The following ERO1B variants were observed in gnomAD, a reference collection of about 807,000 sequenced individuals.
The protein encoded by ERO1B is endoplasmic reticulum oxidoreductase 1 beta.
A neutral mutation model predicts 75.3 loss-of-function variants in ERO1B; 49 were observed. The ratio of observed to expected loss-of-function variants is 0.65; its 90% CI spans 0.52 to 0.83. The LOEUF is 0.83. Ranked by LOEUF, ERO1B falls within the 40% of genes least tolerant of loss-of-function variation. The pLI, the probability that ERO1B is intolerant of heterozygous loss-of-function variation, is 0.00. For synonymous variants in ERO1B, 191 were observed against 192.9 expected (o/e 0.99, Z 0.08); for missense variants, 512 against 560.1 (o/e 0.91, Z 0.87).
intron 12 of ERO1B, among the ~76,000 whole-genome samples, chr1:236,225,792 G>A (rs1229963101): frequency 6.6e-6 from 1 of 152,148 alleles, no homozygotes; most frequent in Non-Finnish European, 1.5e-5. Context: ...AAAATTAGCT[G>A]GGTGTGATGG....
chr1:236,216,798 T>C lies in ERO1B; in HGVS notation c.*1718A>G, dbSNP rs780623233. ...CTGAGTGAATACTAAGAATAATTCT[T>C]ACTAATTTACTAGTTAAATTAATTG... On this transcript the variant is annotated 3_prime_UTR_variant, in exon 16 of 16. Coordinates refer to ENST00000354619, the MANE Select transcript of ERO1B (RefSeq NM_019891.4). The C allele has an allele frequency of 6.6e-6, 1 of 152,086 alleles. No homozygotes were observed. The highest frequency in any genetic ancestry group is 1.5e-5 in the Non-Finnish European group (1 of 67,976). The allele number at this position is 152,086 out of a possible 1,614,324, so 9.4% of individuals were successfully genotyped here.
intron 5 of ERO1B, among the ~76,000 whole-genome samples, chr1:236,246,476 C>T (rs1664890476): frequency 6.6e-6 from 1 of 152,174 alleles, no homozygotes; most frequent in South Asian, 2.1e-4. Flanking sequence ...CCAACTGTAT[C>T]CACCAAAATA....
intron 10 of ERO1B, among the ~76,000 whole-genome samples, chr1:236,227,097 T>G (rs1356874856): frequency 6.6e-6 from 1 of 152,328 alleles, no homozygotes; most frequent in African/African-American, 2.4e-5. Flanking sequence ...AATTATAAAG[T>G]CACTGCTGGA....
chr1:236,246,345 T>TA (rs200804914), intron 5 of ERO1B, among the ~76,000 whole-genome samples: 1 of 151,832 alleles, frequency 6.6e-6, no homozygotes, highest in Non-Finnish European at 1.5e-5. Flanking sequence ...TTTTTTTTTT[T>TA]AATTTTTTGT....
At position 236,233,532 on chromosome 1, in the gene ERO1B, A is replaced by T. The variant is rs370846556; in HGVS notation, c.674-693T>A. On this transcript the variant is annotated intron_variant, in intron 8 of 15. Transcript: ENST00000354619. ...AGAACTGCTTGAACCCAGGAGGCGG[A>T]GGTTGCAGTGAGCCGAGATCACACC... Among the ~76,000 whole-genome samples, 20 of 151,222 alleles carry T rather than the reference A, an allele frequency of 1.3e-4. No individual in the cohort carries two copies. In the East Asian group the frequency reaches 2.2e-3, roughly 16 times the overall value.
intron 2 of ERO1B, among the ~76,000 whole-genome samples, chr1:236,262,427 G>C (rs1665313441): frequency 6.6e-6 from 1 of 152,060 alleles, no homozygotes; most frequent in Non-Finnish European, 1.5e-5. Flanking sequence ...TTTTGAGACA[G>C]GGTCTCACTC....
intron 1 of ERO1B, among the ~76,000 whole-genome samples, chr1:236,274,989 T>C (rs971299070): frequency 8.5e-5 from 13 of 152,202 alleles, no homozygotes; most frequent in African/African-American, 3.1e-4. Context: ...GGGGACAGCA[T>C]TCCAGGCATT....
intron 5 of ERO1B, among the ~76,000 whole-genome samples, chr1:236,248,436 G>GA (rs1236562775): frequency 5.8e-5 from 5 of 86,416 alleles, no homozygotes; most frequent in Non-Finnish European, 7.8e-5. Flanking sequence ...CTTCTAATGT[G>GA]AAAAAAAATT....
At chr1:236,270,217 TGAA>T (rs1448216896) in intron 1 of ERO1B, among the ~76,000 whole-genome samples, 2 of 152,206 alleles carry the variant, frequency 1.3e-5, no homozygotes, top group African/African-American at 4.8e-5. Context: ...CTTTAGCACT[TGAA>T]GAGTATTGAA....
chr1:236,261,651 T>A (rs1467588150), intron 2 of ERO1B, among the ~76,000 whole-genome samples: 1 of 152,148 alleles, frequency 6.6e-6, no homozygotes, highest in African/African-American at 2.4e-5. Context: ...CATAAATAAG[T>A]GGAAAGACAT....
chr1:236,230,044 C>G (rs1388692802), intron 10 of ERO1B, among the ~76,000 whole-genome samples, 180 bp downstream of exon 10: 2 of 152,074 alleles, frequency 1.3e-5, no homozygotes, highest in African/African-American at 4.8e-5. Context: ...TTTTAGCTGA[C>G]CACTATCTTC....
intron 10 of ERO1B, among the ~76,000 whole-genome samples, chr1:236,228,342 T>C (rs1478209114): frequency 6.6e-6 from 1 of 152,192 alleles, no homozygotes; most frequent in East Asian, 1.9e-4. Flanking sequence ...TAATAAAATA[T>C]GCACCAAGTA....
intron 6 of ERO1B, among the ~76,000 whole-genome samples, chr1:236,238,437 C>G (rs986826860): frequency 5.3e-5 from 8 of 150,880 alleles, no homozygotes; most frequent in African/African-American, 2.0e-4. Context: ...GCTTGGGAGG[C>G]TGAAGTGGGA....
In ERO1B at chr1:236,217,953, G is replaced by A. The variant is rs1664038317; in HGVS notation, c.*563C>T. The A allele has an allele frequency of 6.6e-6, 1 of 152,158 alleles. No homozygotes were observed. Among genetic ancestry groups the A allele is most frequent in the Admixed American group, 6.5e-5 (1 of 15,276 alleles). The allele number at this position is 152,158 out of a possible 1,614,324, so 9.4% of individuals were successfully genotyped here. ...TCCTGGGGAATCTTCAGGAATTTCT[G>A]TAACTATGCATTGAAAGGGCCATTC... is the stretch of plus-strand genomic sequence containing the variant. On this transcript the variant is annotated 3_prime_UTR_variant, in exon 16 of 16. Coordinates refer to ENST00000354619, the MANE Select transcript of ERO1B (RefSeq NM_019891.4).
chr1:236,278,788 G>A lies in ERO1B; in HGVS notation c.102+2894C>T, dbSNP rs138771406. ...TCATTTATACGATAATGGGGCATGA[G>A]ATATACAAACACGTATCATTTTGTG... On this transcript the variant is annotated intron_variant, in intron 1 of 15. Coordinates refer to ENST00000354619, the MANE Select transcript of ERO1B (RefSeq NM_019891.4). Among the ~76,000 whole-genome samples the A allele has an allele frequency of 3.6e-3, 553 of 152,298 alleles. 7 individuals carry two copies. Among genetic ancestry groups the A allele is most frequent in the African/African-American group, 0.013 (537 of 41,560 alleles).
At chr1:236,263,561 T>C (rs1410450643) in intron 2 of ERO1B, among the ~76,000 whole-genome samples, 1 of 152,052 alleles carries the variant, frequency 6.6e-6, no homozygotes, top group Non-Finnish European at 1.5e-5. Flanking sequence ...AATTCAGTAT[T>C]TTTATTAGGA....
Position 236,245,314 on chromosome 1 carries a change from A to ATATATACACACACACGTATATATATACG in ERO1B, c.432-1820_432-1819insCGTATATATATACGTGTGTGTGTATATA, listed in dbSNP as rs1664819927. Among the ~76,000 whole-genome samples the ATATATACACACACACGTATATATATACG allele has an allele frequency of 1.1e-4, 2 of 18,812 alleles. 1 individual carries two copies. The highest frequency in any genetic ancestry group is 2.0e-4 in the African/African-American group (2 of 10,092). The allele number at this position is 18,812 out of a possible 152,430, so 12.3% of individuals were successfully genotyped here. A position where few individuals can be genotyped will look rare whatever the true frequency, so the allele number is the denominator to read the frequency against. ...CCAGTCAAAATATATATATATATAT[A>ATATATACACACACACGTATATATATACG]TATATATACACACACGTATATATAT... On this transcript the variant is annotated intron_variant, in intron 5 of 15. Coordinates refer to ENST00000354619, the MANE Select transcript of ERO1B (RefSeq NM_019891.4).
intron 4 of ERO1B, 80 bp from the exon 5 acceptor site, chr1:236,250,047 G>A: frequency 1.1e-6 from 1 of 890,172 alleles, no homozygotes; most frequent in Non-Finnish European, 1.7e-6. Flanking sequence ...TAATCAATCT[G>A]TCAACAATGA....
rs539964750 is a variant in ERO1B, at chr1:236,216,409, A to C, written c.*2107T>G. 6.6e-6 allele frequency: 1 copy of C among 152,176 alleles called. No individual in the cohort carries two copies. The highest frequency in any genetic ancestry group is 1.9e-4 in the East Asian group (1 of 5,200). The allele number at this position is 152,176 out of a possible 1,614,324, so 9.4% of individuals were successfully genotyped here. On this transcript the variant is annotated 3_prime_UTR_variant, in exon 16 of 16. Transcript: ENST00000354619. ...TCACACAATCATTTAAGAAATAAAA[A>C]CACATACACAAAAATGTAGGCTGCC...
Sources: allele counts gnomAD v4.1 joint callset (sites outside exome capture counted in the v4.1 genomes callset), GRCh38; gene constraint gnomAD v4.1.1; transcripts MANE v1.5; gene names NCBI Gene and HGNC (gene_info 2026-07-23, HGNC 2026-07-21).